SPMIP2: variants seen among roughly 807,000 people sequenced by gnomAD.
The protein encoded by SPMIP2 is sperm microtubule inner protein 2, also known as protein SPMIP2.
chr4:159,013,899 T>C, the SPMIP2 span, among the ~76,000 whole-genome samples: 190 of 151,828 alleles, frequency 1.3e-3, 1 homozygote, highest in African/African-American at 4.5e-3. Context: ...CTGAGTAAAT[T>C]TACTGGGACA....
chr4:159,063,377 G>T, the SPMIP2 span, among the ~76,000 whole-genome samples: 2 of 151,882 alleles, frequency 1.3e-5, no homozygotes, highest in Non-Finnish European at 2.9e-5. Flanking sequence ...TGGCCAACAT[G>T]GTGAAACGCC....
At chr4:158,977,624 T>TTTTTC in the SPMIP2 span, among the ~76,000 whole-genome samples, 1 of 136,958 alleles carries the variant, frequency 7.3e-6, no homozygotes, top group Admixed American at 7.3e-5. Context: ...TTTTTTTTTT[T>TTTTTC]TTCTCTTTGA....
chr4:159,047,673 A>G, the SPMIP2 span, among the ~76,000 whole-genome samples: 2 of 152,332 alleles, frequency 1.3e-5, no homozygotes, highest in African/African-American at 4.8e-5. Flanking sequence ...GCGAAGTAGT[A>G]TTTCCTGCGC....
the SPMIP2 span, chr4:158,915,244 C>G: frequency 6.2e-6 from 10 of 1,613,556 alleles, no homozygotes; most frequent in Admixed American, 1.7e-5. Context: ...CACTGCCTAA[C>G]AAGAATAGCC....
the SPMIP2 span, among the ~76,000 whole-genome samples, chr4:158,935,176 C>T: frequency 2.0e-5 from 3 of 152,200 alleles, no homozygotes; most frequent in Non-Finnish European, 4.4e-5. Flanking sequence ...ACCAGTCATT[C>T]CCTTAAGACA....
At chr4:159,045,616 A>G in the SPMIP2 span, among the ~76,000 whole-genome samples, 1 of 152,246 alleles carries the variant, frequency 6.6e-6, no homozygotes, top group South Asian at 2.1e-4. Flanking sequence ...GAGAGAAGGC[A>G]GCCTGAAGAA....
chr4:159,037,779 AAT>A, the SPMIP2 span, among the ~76,000 whole-genome samples: 6,065 of 125,048 alleles, frequency 0.049, 132 homozygotes, highest in African/African-American at 0.069. Context: ...TCTCAAAAAC[AAT>A]ATATACACAC....
the SPMIP2 span, among the ~76,000 whole-genome samples, chr4:159,072,456 T>C: frequency 2.1e-5 from 3 of 143,160 alleles, no homozygotes; most frequent in Non-Finnish European, 4.6e-5. Flanking sequence ...GAATTCTTTT[T>C]TTTTTTTTTT....
At chr4:159,047,137 T>C in the SPMIP2 span, among the ~76,000 whole-genome samples, 1 of 152,312 alleles carries the variant, frequency 6.6e-6, no homozygotes, top group Admixed American at 6.5e-5. Context: ...GAACCTAGCA[T>C]TTAGAAAAGT....
chr4:158,960,353 G>A, the SPMIP2 span: 1 of 1,500,134 alleles, frequency 6.7e-7, no homozygotes. Flanking sequence ...TACTGTAAAA[G>A]GAAGAAAATT....
the SPMIP2 span, among the ~76,000 whole-genome samples, chr4:158,922,966 A>G: frequency 1.3e-5 from 2 of 152,244 alleles, no homozygotes; most frequent in Non-Finnish European, 2.9e-5. Flanking sequence ...TTGTTTATAC[A>G]TATTCATCAC....
At chr4:159,025,317 A>T in the SPMIP2 span, among the ~76,000 whole-genome samples, 1 of 152,060 alleles carries the variant, frequency 6.6e-6, no homozygotes, top group African/African-American at 2.4e-5. Context: ...GACGTGAACC[A>T]CCACACCTGG....
the SPMIP2 span, among the ~76,000 whole-genome samples, chr4:159,008,264 A>G: frequency 1.8e-3 from 280 of 152,304 alleles, 2 homozygotes; most frequent in Middle Eastern, 0.02. Context: ...TCTACATCAC[A>G]GAGTTTTGTA....
chr4:159,066,653 C>G, the SPMIP2 span, among the ~76,000 whole-genome samples: 4 of 146,856 alleles, frequency 2.7e-5, no homozygotes, highest in Non-Finnish European at 6.0e-5. Flanking sequence ...TATATCTCAA[C>G]CCTTCTCATT....
the SPMIP2 span, among the ~76,000 whole-genome samples, chr4:159,024,490 G>A: frequency 1.0e-3 from 153 of 152,210 alleles, 2 homozygotes; most frequent in East Asian, 0.02. Context: ...CCTTGCTGGC[G>A]TTCAACTTGT....
chr4:158,951,103 C>G, the SPMIP2 span, among the ~76,000 whole-genome samples: 1 of 152,156 alleles, frequency 6.6e-6, no homozygotes, highest in East Asian at 1.9e-4. Flanking sequence ...TTTATTTTCC[C>G]TGTTATAAGC....
the SPMIP2 span, among the ~76,000 whole-genome samples, chr4:159,020,369 G>T: frequency 6.6e-6 from 1 of 152,148 alleles, no homozygotes; most frequent in Non-Finnish European, 1.5e-5. Flanking sequence ...CAAAATATTT[G>T]TCATCCCTTT....
At chr4:158,918,367 A>G in the SPMIP2 span, among the ~76,000 whole-genome samples, 1 of 152,266 alleles carries the variant, frequency 6.6e-6, no homozygotes, top group African/African-American at 2.4e-5. Flanking sequence ...TTACAAGTAC[A>G]GATTAATAGC....
chr4:159,007,829 G>A, the SPMIP2 span: 1 of 559,370 alleles, frequency 1.8e-6, no homozygotes, highest in South Asian at 1.4e-5. Flanking sequence ...AGCCATCTAT[G>A]CACTGAATCC....
Sources: allele counts gnomAD v4.1 joint callset (sites outside exome capture counted in the v4.1 genomes callset), GRCh38; gene constraint gnomAD v4.1.1; transcripts MANE v1.5; gene names NCBI Gene and HGNC (gene_info 2026-07-23, HGNC 2026-07-21).